Variants in SRPRA observed in about 807,000 individuals in gnomAD.
SRPRA encodes the protein SRP receptor subunit alpha.
Under a neutral mutation model 61.1 loss-of-function variants are expected in SRPRA, and 30 were observed. That is an observed-to-expected ratio of 0.49 (90% CI 0.37 to 0.67). The LOEUF (loss-of-function observed/expected upper bound fraction) is 0.67, where lower values mean the gene tolerates loss of function less well. Among genes scored for constraint, SRPRA ranks in the 30% least tolerant of loss-of-function variants. SRPRA has a pLI of 0.00. For synonymous variants in SRPRA, 324 were observed against 299.7 expected (o/e 1.08, Z -0.84); for missense variants, 759 against 828.4 (o/e 0.92, Z 1.03).
At chr11:126,243,801 G>A in the SRPRA span, among the ~76,000 whole-genome samples, 2 of 151,834 alleles carry the variant, frequency 1.3e-5, no homozygotes, top group African/African-American at 2.4e-5. Context: ...CTACCCAGGA[G>A]GCTGAGGCAG....
At chr11:126,262,289 C>A, downstream of SRPRA, 1 of 709,462 alleles carries the variant, frequency 1.4e-6, no homozygotes, top group African/African-American at 1.8e-5. Context: ...AATGTTGCAG[C>A]GTAATCCTTC....
At chr11:126,239,857 G>A in the SRPRA span, among the ~76,000 whole-genome samples, 22 of 152,150 alleles carry the variant, frequency 1.4e-4, 1 homozygote, top group Admixed American at 1.4e-3. Context: ...AGAAGCTCGG[G>A]TTAGGGAAAG....
chr11:126,265,210 G>T lies in SRPRA; in HGVS notation c.1312-38C>A, dbSNP rs371488206. 9.4e-5 allele frequency: 151 copies of T among 1,613,866 alleles called. 1 individual carries two copies. In the African/African-American group the frequency reaches 1.9e-3, roughly 21 times the overall value. The stretch of plus-strand genomic sequence containing the variant: ...CGTAAGAAAAGTCACCTAAAGCCAG[G>T]ATTTTGAGACACAAGAAGTACAGAA... On this transcript the variant is annotated intron_variant, in intron 10 of 13. Coordinates refer to ENST00000332118, the MANE Select transcript of SRPRA (RefSeq NM_003139.4). This position sits in a 1 kb window ranked among gnomAD's most constrained non-coding sequence, Gnocchi z 6.3.
Position 126,267,240 on chromosome 11 carries a change from T to G in SRPRA, c.461A>C (p.Glu154Ala). Reference protein sequence around the residue: ...KAKKPVRSMIETRGEKPKEKA... With the variant: ...KAKKPVRSMIATRGEKPKEKA... Reference sequence around the variant, plus strand: ...TTCCTTGGGCTTTTCCCCCCGTGTCTCAATCATGGACCTCACAGGTTTCTT... The same window carrying G: ...TTCCTTGGGCTTTTCCCCCCGTGTCGCAATCATGGACCTCACAGGTTTCTT... Residue 154 changes from glutamate to alanine, a missense_variant, in exon 4 of 14, where the codon GAG (glutamate) becomes GCG (alanine). This residue lies in a region of SRPRA where 475 missense variants were observed against 462.5 expected (regional missense o/e 1.03). Coordinates refer to ENST00000332118, the MANE Select transcript of SRPRA (RefSeq NM_003139.4). The surrounding 1 kb of genome is among the most constrained non-coding windows in gnomAD (Gnocchi z 4.2). 1 of 1,614,164 alleles carries G rather than the reference T, an allele frequency of 6.2e-7. No individual in the cohort carries two copies. Among genetic ancestry groups the G allele is most frequent in the Non-Finnish European group, 8.5e-7 (1 of 1,180,032 alleles).
chr11:126,254,289 T>C, the SRPRA span: 5 of 1,612,782 alleles, frequency 3.1e-6, no homozygotes, highest in Non-Finnish European at 4.2e-6. Flanking sequence ...GGTTGGGCTA[T>C]ATGTGTGTTG....
At position 126,263,672 on chromosome 11, in the gene SRPRA, T is replaced by C; in HGVS notation, c.*244A>G. 2.0e-6 allele frequency: 1 copy of C among 507,576 alleles called. No homozygotes were observed. The highest frequency in any genetic ancestry group is 2.4e-5 in the South Asian group (1 of 41,840). 31.4% of individuals were successfully genotyped at this position (507,576 alleles called of 1,614,324 possible). On this transcript the variant is annotated 3_prime_UTR_variant, in exon 14 of 14. Coordinates refer to ENST00000332118, the MANE Select transcript of SRPRA (RefSeq NM_003139.4). ...CTGTAGGCAGAGTGAAGGGGGTGCC[T>C]GAGTAGGAAGGGGGAGGCCCGCTGG... is the stretch of plus-strand genomic sequence containing the variant.
At chr11:126,254,940 CTTTG>C in the SRPRA span, among the ~76,000 whole-genome samples, 3,166 of 152,148 alleles carry the variant, frequency 0.021, 45 homozygotes, top group Non-Finnish European at 0.033. Flanking sequence ...ACCCTATGAT[CTTTG>C]TTTGTACTTA....
the SRPRA span, among the ~76,000 whole-genome samples, chr11:126,242,090 A>G: frequency 5.7e-4 from 87 of 152,086 alleles, no homozygotes; most frequent in African/African-American, 2.0e-3. Context: ...CATACACTTT[A>G]TAAAAATTAA....
chr11:126,262,090 C>A (rs763075705), downstream of SRPRA: 1 of 1,613,704 alleles, frequency 6.2e-7, no homozygotes, highest in East Asian at 2.2e-5. Context: ...TGTGAAACTT[C>A]ATTTTGTTCT....
At chr11:126,257,430 A>C in the SRPRA span, among the ~76,000 whole-genome samples, 156 of 152,260 alleles carry the variant, frequency 1.0e-3, no homozygotes, top group African/African-American at 3.5e-3. Context: ...AGGATCCTAA[A>C]ATTGGTGGAG....
At chr11:126,244,706 A>C in the SRPRA span, among the ~76,000 whole-genome samples, 1 of 152,170 alleles carries the variant, frequency 6.6e-6, no homozygotes, top group Admixed American at 6.5e-5. This position sits in a 1 kb window ranked among gnomAD's most constrained non-coding sequence, Gnocchi z 4.5. Flanking sequence ...CGGGAGGTGG[A>C]GGCAGGAGAA....
At chr11:126,245,372 A>C in the SRPRA span, 3 of 151,762 alleles carry the variant, frequency 2.0e-5, no homozygotes, top group Non-Finnish European at 4.4e-5. Context: ...GGAGACTCAA[A>C]TTTTTTTTTC....
At chr11:126,247,109 A>G in the SRPRA span, among the ~76,000 whole-genome samples, 36 of 152,304 alleles carry the variant, frequency 2.4e-4, no homozygotes, top group Admixed American at 9.8e-4. Context: ...CTTGGGCAAC[A>G]TAGTGAGACC....
chr11:126,265,844 A>G lies in SRPRA; in HGVS notation c.1052-21T>C. 2.5e-6 allele frequency: 4 copies of G among 1,614,148 alleles called. No homozygotes were observed. The highest frequency in any genetic ancestry group is 3.4e-6 in the Non-Finnish European group (4 of 1,179,926). On this transcript the variant is annotated intron_variant, in intron 8 of 13. Coordinates refer to ENST00000332118, the MANE Select transcript of SRPRA (RefSeq NM_003139.4). This position sits in a 1 kb window ranked among gnomAD's most constrained non-coding sequence, Gnocchi z 6.3. Reference sequence around the variant, plus strand: ...CTTAGCTGAGGAGAGGGGGACAGGTATGTCAGTTCCATGTCAGCAATGACC... The same window carrying G: ...CTTAGCTGAGGAGAGGGGGACAGGTGTGTCAGTTCCATGTCAGCAATGACC...
At position 126,267,513 on chromosome 11, in the gene SRPRA, GAAAT is replaced by G. The variant is rs529409614; in HGVS notation, c.365+32_365+35del. ...CCTTCAGAGAGGTCATCAAATCATGGAAATAAATTGATTTTAGAGAAGGCAGGTC... is the reference window on the plus strand; with the variant it reads ...CCTTCAGAGAGGTCATCAAATCATGGAAATTGATTTTAGAGAAGGCAGGTC... On this transcript the variant is annotated intron_variant, in intron 3 of 13. Coordinates refer to ENST00000332118, the MANE Select transcript of SRPRA (RefSeq NM_003139.4). This position sits in a 1 kb window ranked among gnomAD's most constrained non-coding sequence, Gnocchi z 4.2. The G allele has an allele frequency of 1.4e-4, 220 of 1,612,096 alleles. No individual in the cohort carries two copies. The highest frequency in any genetic ancestry group is 7.0e-4 in the Admixed American group (42 of 59,834).
chr11:126,266,804 C>A lies in SRPRA; in HGVS notation c.645G>T (p.Glu215Asp). The change falls in exon 5 of 14, where the codon GAG (glutamate) becomes GAT (aspartate). Residue 215 changes from glutamate to aspartate, a missense_variant. Physicochemically the swap from Glu to Asp is conservative, Grantham distance 45 (BLOSUM62 2). Around this residue, in one of 2 missense-constraint regions of SRPRA, gnomAD observed 475 missense variants for 462.5 expected, o/e 1.03. Coordinates refer to ENST00000332118, the MANE Select transcript of SRPRA (RefSeq NM_003139.4). The stretch of plus-strand genomic sequence containing the variant: ...CCCTCCCATGCTTCTGAATGAACTC[C>A]TCGCGCTTCCTGCGGATCAGCTCCT... ...SKEELIRRKREEFIQKHGRGM... is the reference protein window; with the variant it reads ...SKEELIRRKRDEFIQKHGRGM... 3 of 1,614,184 alleles carry A rather than the reference C, an allele frequency of 1.9e-6. No individual in the cohort carries two copies. The highest frequency in any genetic ancestry group is 2.5e-6 in the Non-Finnish European group (3 of 1,180,050).
rs371269843 is a variant in SRPRA at position 126,268,288 on chromosome 11, A to C, written c.118-202T>G. Among the ~76,000 whole-genome samples the C allele has an allele frequency of 4.9e-4, 75 of 152,366 alleles. 1 individual carries two copies. The South Asian group carries it at 0.015, about 30-fold the overall frequency. On this transcript the variant is annotated intron_variant, in intron 1 of 13. Transcript: ENST00000332118. Reference sequence around the variant, plus strand: ...AAGTTGGGGGAAAAAGATGAGAGAGAGAGCAAGACACATGGGAGCCAAAAG... The same window carrying C: ...AAGTTGGGGGAAAAAGATGAGAGAGCGAGCAAGACACATGGGAGCCAAAAG...
At position 126,268,051 on chromosome 11, in the gene SRPRA, T is replaced by G. The variant is rs1950855476; in HGVS notation, c.153A>C (p.Ala51=). 1.9e-6 allele frequency: 3 copies of G among 1,613,960 alleles called. No homozygotes were observed. In the Admixed American group the frequency reaches 5.0e-5, roughly 27 times the overall value. ...RGGNNSFTHE[A]LTLKYKLDNQ... ...TGTCCAGTTTATACTTGAGTGTGAG[T>G]GCCTCATGGGTGAAGGAGTTGTTAC... The change falls in exon 2 of 14, where the codon GCA becomes GCC. Residue 51 remains alanine, a synonymous_variant. Coordinates refer to ENST00000332118, the MANE Select transcript of SRPRA (RefSeq NM_003139.4).
chr11:126,267,942 T>C lies in SRPRA; in HGVS notation c.201+61A>G. The stretch of plus-strand genomic sequence containing the variant: ...ATACACTGGCTGCAATTAATCAGAG[T>C]TCTCTTAAAAATCAGGGCTATGTTA... On this transcript the variant is annotated intron_variant, in intron 2 of 13. Coordinates refer to ENST00000332118, the MANE Select transcript of SRPRA (RefSeq NM_003139.4). This position sits in a 1 kb window ranked among gnomAD's most constrained non-coding sequence, Gnocchi z 4.2. 1 of 1,551,966 alleles carries C rather than the reference T, an allele frequency of 6.4e-7. No homozygotes were observed. The highest frequency in any genetic ancestry group is 8.9e-7 in the Non-Finnish European group (1 of 1,124,612).
Sources: gnomAD v4.1 joint callset for allele counts (sites outside exome capture counted in the v4.1 genomes callset) on GRCh38, gnomAD v4.1.1 for gene constraint, gnomAD v4.1.1 regional missense constraint, Gnocchi (gnomAD v3.1) non-coding constraint, MANE v1.5 for transcripts, NCBI Gene and HGNC (gene_info 2026-07-23, HGNC 2026-07-21) for gene names.